The following LIPA variants were observed in gnomAD, a reference collection of about 807,000 sequenced individuals.
LIPA encodes the protein lysosomal acid lipase/cholesteryl ester hydrolase.
In LIPA, 26 loss-of-function variants were observed where a neutral mutation model predicts 40.6. The ratio of observed to expected loss-of-function variants is 0.64; its 90% CI spans 0.47 to 0.89. The LOEUF is 0.89. LIPA is among the 40% of genes least tolerant of loss of function. LIPA has a pLI of 0.00. For missense variants in LIPA, 455 were observed against 479.6 expected (o/e 0.95, Z 0.48); for synonymous variants, 188 against 168.4 (o/e 1.12, Z -0.90).
chr10:89,363,797 G>A (rs947881084), intron 2 of LIPA, among the ~76,000 whole-genome samples: 15 of 146,428 alleles, frequency 1.0e-4, no homozygotes, highest in African/African-American at 3.6e-4. Context: ...AAAAAAGCGA[G>A]GGGGGGCGGG....
intron 1 of LIPA, among the ~76,000 whole-genome samples, chr10:89,280,407 T>C (rs1564774845): frequency 6.6e-6 from 1 of 151,694 alleles, no homozygotes; most frequent in Non-Finnish European, 1.5e-5. Flanking sequence ...AGGGGAGGGG[T>C]CTCCTGGGTA....
chr10:89,332,647 C>T (rs1329199970), intron 1 of LIPA: 4 of 1,612,800 alleles, frequency 2.5e-6, no homozygotes, highest in East Asian at 2.2e-5. Context: ...CCCTGCTTCT[C>T]TGATAGGAAA....
At chr10:89,362,603 C>T in intron 2 of LIPA, 2 of 339,498 alleles carry the variant, frequency 5.9e-6, no homozygotes, top group Admixed American at 3.8e-5. Context: ...TGGGCTGGGG[C>T]AAATTTGCCT....
chr10:89,398,418 T>G (rs1366172382), intron 2 of LIPA, among the ~76,000 whole-genome samples: 1 of 152,164 alleles, frequency 6.6e-6, no homozygotes, highest in Admixed American at 6.5e-5. Flanking sequence ...AGTAAGCAGC[T>G]CCAGCTTCTC....
chr10:89,295,630 C>G (rs544472671), intron 1 of LIPA, among the ~76,000 whole-genome samples: 3 of 152,242 alleles, frequency 2.0e-5, no homozygotes, highest in African/African-American at 7.2e-5. Context: ...TTGCATTATA[C>G]CATCTGTAGT....
intron 2 of LIPA, among the ~76,000 whole-genome samples, chr10:89,376,217 A>T (rs947240794): frequency 6.7e-6 from 1 of 149,944 alleles, no homozygotes; most frequent in Non-Finnish European, 1.5e-5. Flanking sequence ...AAAGAAGAAG[A>T]AGTCAAGAGG....
At chr10:89,321,604 C>A (rs1041399976) in intron 1 of LIPA, among the ~76,000 whole-genome samples, 1 of 152,196 alleles carries the variant, frequency 6.6e-6, no homozygotes, top group Non-Finnish European at 1.5e-5. Flanking sequence ...AATAGGAACA[C>A]TTTTACACTG....
chr10:89,327,961 C>A, intron 1 of LIPA: 2 of 1,082,126 alleles, frequency 1.8e-6, no homozygotes, highest in South Asian at 1.3e-5. Context: ...CCTACTCTCC[C>A]ACCCCTTTAT....
chr10:89,232,497 C>T (rs918871929), intron 3 of LIPA, among the ~76,000 whole-genome samples: 4 of 152,230 alleles, frequency 2.6e-5, no homozygotes, highest in Admixed American at 1.3e-4. Flanking sequence ...GGCACTTGTT[C>T]CAATCTGTGC....
chr10:89,308,013 CTAGAAGCGACGGG>C (rs1240639056), intron 1 of LIPA: 2 of 152,592 alleles, frequency 1.3e-5, no homozygotes, highest in Non-Finnish European at 2.9e-5. Context: ...AGATACATAG[CTAGAAGCGACGGG>C]TACAAAAAGC....
intron 1 of LIPA, among the ~76,000 whole-genome samples, chr10:89,286,424 A>T (rs1456884507): frequency 1.3e-5 from 2 of 151,202 alleles, no homozygotes; most frequent in African/African-American, 4.9e-5. Flanking sequence ...TCCCCTCCTC[A>T]CACCCAGTCC....
At chr10:89,326,577 TAA>T (rs1843601961) in intron 1 of LIPA, among the ~76,000 whole-genome samples, 1 of 152,184 alleles carries the variant, frequency 6.6e-6, no homozygotes, top group African/African-American at 2.4e-5. Context: ...TCAAAATAAC[TAA>T]AAGAGTATAA....
intron 2 of LIPA, chr10:89,383,196 G>T (rs991356983): frequency 2.4e-6 from 2 of 823,590 alleles, no homozygotes; most frequent in African/African-American, 3.5e-5. Context: ...ACCCAGAGGG[G>T]CACCAGATAA....
upstream of LIPA, among the ~76,000 whole-genome samples, chr10:89,252,993 T>A (rs368035136): frequency 4.6e-5 from 7 of 152,270 alleles, no homozygotes; most frequent in African/African-American, 1.7e-4. Context: ...TGGTGGGTCC[T>A]AGCCAGAGTG....
rs1844286439 is a variant in LIPA at position 89,393,349 on chromosome 10, C to T, written c.61+19442G>A. On this transcript the variant is annotated intron_variant, in intron 2 of 8. Coordinates refer to the LIPA transcript ENST00000371837. ...GGAAAATCTAGGCTCTTGGTACGTCCTTGACTGAAGATGATCCACATCTGC... is the reference window on the plus strand; with the variant it reads ...GGAAAATCTAGGCTCTTGGTACGTCTTTGACTGAAGATGATCCACATCTGC... 5.7e-6 allele frequency: 7 copies of T among 1,227,070 alleles called. No homozygotes were observed. In the South Asian group the frequency reaches 6.5e-5, roughly 11 times the overall value. 76.0% of individuals were successfully genotyped at this position (1,227,070 alleles called of 1,614,324 possible).
intron 2 of LIPA, among the ~76,000 whole-genome samples, chr10:89,365,252 G>A (rs1564800439): frequency 6.6e-6 from 1 of 152,128 alleles, no homozygotes; most frequent in Non-Finnish European, 1.5e-5. Flanking sequence ...CTCTGTGTAG[G>A]GGCAGATTTG....
chr10:89,287,877 G>A (rs557098489), intron 1 of LIPA, among the ~76,000 whole-genome samples: 2 of 152,194 alleles, frequency 1.3e-5, no homozygotes, highest in African/African-American at 4.8e-5. Flanking sequence ...ACCCTGTAGT[G>A]CCCAACTCGT....
At chr10:89,303,887 A>T (rs553710932) in intron 1 of LIPA, among the ~76,000 whole-genome samples, 41 of 152,256 alleles carry the variant, frequency 2.7e-4, no homozygotes, top group African/African-American at 9.6e-4. Flanking sequence ...GGGGTCTGAG[A>T]GTGGTCATAT....
chr10:89,248,759 C>A (rs935246432), intron 1 of LIPA, among the ~76,000 whole-genome samples: 1 of 151,888 alleles, frequency 6.6e-6, no homozygotes, highest in Non-Finnish European at 1.5e-5. Flanking sequence ...GGATGACAGG[C>A]GTGAGCCACC....
Sources: allele counts gnomAD v4.1 joint callset (sites outside exome capture counted in the v4.1 genomes callset), GRCh38; gene constraint gnomAD v4.1.1; transcripts MANE v1.5; gene names NCBI Gene and HGNC (gene_info 2026-07-23, HGNC 2026-07-21).